SOCS6: variants seen among roughly 807,000 people sequenced by gnomAD.
SOCS6 encodes the protein STAT induced STAT inhibitor-4.
Under a neutral mutation model 27.7 loss-of-function variants are expected in SOCS6, and 5 were observed. The observed-to-expected ratio is 0.18, with a 90% CI of 0.09 to 0.38. SOCS6 has a LOEUF of 0.38. Among genes scored for constraint, SOCS6 ranks in the 10% least tolerant of loss-of-function variants. The pLI is 1.00. For synonymous variants in SOCS6, 271 were observed against 260.0 expected (o/e 1.04, Z -0.41); for missense variants, 595 against 688.1 (o/e 0.86, Z 1.51).
chr18:70,291,665 G>A (rs1034342404), intron 1 of SOCS6, among the ~76,000 whole-genome samples: 7 of 152,056 alleles, frequency 4.6e-5, no homozygotes, highest in African/African-American at 1.7e-4. Context: ...TGTGAGTTTT[G>A]ACTTTAAGAT....
At position 70,328,531 on chromosome 18, in the gene SOCS6, G is replaced by A. The variant is rs1044935502; in HGVS notation, c.*2255G>A. 1.6e-4 allele frequency: 26 copies of A among 166,884 alleles called. No homozygotes were observed. The highest frequency in any genetic ancestry group is 5.8e-4 in the African/African-American group (24 of 41,414). 10.3% of individuals were successfully genotyped at this position (166,884 alleles called of 1,614,324 possible). A position where few individuals can be genotyped will look rare whatever the true frequency, so the allele number is the denominator to read the frequency against. ...AAATGTTTTTAAAATTGTATTTTGT[G>A]TTTTAGTGGAGGACAGTCTTGATAC... On this transcript the variant is annotated 3_prime_UTR_variant, in exon 2 of 2. Coordinates refer to ENST00000397942, the MANE Select transcript of SOCS6 (RefSeq NM_004232.4).
intron 1 of SOCS6, among the ~76,000 whole-genome samples, chr18:70,299,688 G>C (rs962015736): frequency 2.0e-5 from 3 of 152,148 alleles, no homozygotes; most frequent in African/African-American, 2.4e-5. Flanking sequence ...ATTGAAAGGG[G>C]CTTGTTTTGA....
intron 1 of SOCS6, among the ~76,000 whole-genome samples, chr18:70,309,099 A>T (rs1444274414): frequency 6.6e-6 from 1 of 152,262 alleles, no homozygotes; most frequent in African/African-American, 2.4e-5. Context: ...ATGGCCTCTT[A>T]ACAATGCAAC....
chr18:70,302,333 A>G (rs563942545), intron 1 of SOCS6, among the ~76,000 whole-genome samples: 52 of 151,350 alleles, frequency 3.4e-4, no homozygotes, highest in African/African-American at 1.2e-3. Flanking sequence ...TTCCAGGGGT[A>G]ATGAGAGTGT....
At chr18:70,311,930 A>C (rs187912415) in intron 1 of SOCS6, among the ~76,000 whole-genome samples, 2 of 151,004 alleles carry the variant, frequency 1.3e-5, no homozygotes, top group East Asian at 2.0e-4. Flanking sequence ...AGTGAGCTCT[A>C]AAATCAGTTG....
At chr18:70,320,792 G>T (rs1047145722) in intron 1 of SOCS6, among the ~76,000 whole-genome samples, 4 of 152,176 alleles carry the variant, frequency 2.6e-5, no homozygotes, top group Non-Finnish European at 5.9e-5. Flanking sequence ...ATCCCTTGCA[G>T]ATAAGAGAGG....
chr18:70,297,367 C>G (rs1189616529), intron 1 of SOCS6, among the ~76,000 whole-genome samples: 1 of 150,908 alleles, frequency 6.6e-6, no homozygotes, highest in East Asian at 1.9e-4. Context: ...CCCTTCTTTT[C>G]AACAGTTTTT....
rs538608484 is a variant in SOCS6, at chr18:70,326,326, G to C, written c.*50G>C. 19 of 1,446,734 alleles carry C rather than the reference G, an allele frequency of 1.3e-5. No homozygotes were observed. In the South Asian group the frequency reaches 2.4e-4, roughly 18 times the overall value. The allele number at this position is 1,446,734 out of a possible 1,614,324, so 89.6% of individuals were successfully genotyped here. A position where few individuals can be genotyped will look rare whatever the true frequency, so the allele number is the denominator to read the frequency against. On this transcript the variant is annotated 3_prime_UTR_variant, in exon 2 of 2. Coordinates refer to ENST00000397942, the MANE Select transcript of SOCS6 (RefSeq NM_004232.4). ...ACTTTGGGAATAAGAACAAGAGATT[G>C]AAATACAGTTTACAAACTTTCATTG...
At chr18:70,324,458 G>A in intron 1 of SOCS6, 85 bp from the exon 2 acceptor site, 3 of 428,238 alleles carry the variant, frequency 7.0e-6, no homozygotes. Context: ...TTCTCGTTCA[G>A]AAGTTAAAGG....
At position 70,325,714 on chromosome 18, in the gene SOCS6, A is replaced by G. The variant is rs1167202336; in HGVS notation, c.1046A>G (p.Asn349Ser). Reference protein sequence around the residue: ...SMRCHLNFDPNSAPGVARVYD... With the variant: ...SMRCHLNFDPSSAPGVARVYD... ...CGCTGTCATTTGAATTTTGATCCGA[A>G]CTCTGCTCCTGGGGTTGCAAGAGTT... Residue 349 changes from asparagine to serine, a missense_variant, in exon 2 of 2, where the codon AAC (asparagine) becomes AGC (serine). By Grantham distance (46) the Asn-to-Ser change is conservative. Coordinates refer to ENST00000397942, the MANE Select transcript of SOCS6 (RefSeq NM_004232.4). This position sits in a 1 kb window ranked among gnomAD's most constrained non-coding sequence, Gnocchi z 6.3. The G allele has an allele frequency of 6.2e-7, 1 of 1,614,078 alleles. No homozygotes were observed. Among genetic ancestry groups the G allele is most frequent in the Non-Finnish European group, 8.5e-7 (1 of 1,180,002 alleles).
At position 70,324,965 on chromosome 18, in the gene SOCS6, C is replaced by T. The variant is rs774218647; in HGVS notation, c.297C>T (p.Ala99=). Residue 99 remains alanine, a synonymous_variant, in exon 2 of 2, where the codon GCC becomes GCT. Coordinates refer to ENST00000397942, the MANE Select transcript of SOCS6 (RefSeq NM_004232.4). ...GKAGTPSGSS[A]DEDTFSSSSA... ...CGGGCACACCCTCTGGGAGCTCTGC[C>T]GACGAGGACACCTTCTCCTCCTCCT... 9.3e-6 allele frequency: 15 copies of T among 1,614,014 alleles called. No homozygotes were observed. In the East Asian group the frequency reaches 1.8e-4, roughly 19 times the overall value.
chr18:70,298,807 A>G (rs191025262), intron 1 of SOCS6, among the ~76,000 whole-genome samples: 259 of 152,356 alleles, frequency 1.7e-3, no homozygotes, highest in Admixed American at 2.4e-3. Flanking sequence ...TTCCAACACC[A>G]ACAACCACTT....
At chr18:70,297,895 A>T (rs796295274) in intron 1 of SOCS6, among the ~76,000 whole-genome samples, 1 of 152,342 alleles carries the variant, frequency 6.6e-6, no homozygotes, top group African/African-American at 2.4e-5. Flanking sequence ...GAAATGGGGA[A>T]AAGATTATTT....
intron 1 of SOCS6, 120 bp downstream of exon 1, chr18:70,289,210 G>GCGGGC (rs1458866283): frequency 2.6e-5 from 4 of 151,216 alleles, no homozygotes; most frequent in Admixed American, 1.3e-4. Flanking sequence ...CGGATCCGGC[G>GCGGGC]CGGGCCGGGC....
At chr18:70,320,675 T>G (rs889646080) in intron 1 of SOCS6, among the ~76,000 whole-genome samples, 1 of 152,212 alleles carries the variant, frequency 6.6e-6, no homozygotes, top group Non-Finnish European at 1.5e-5. Context: ...AACTTAAAAA[T>G]TAAACTTTAT....
intron 1 of SOCS6, among the ~76,000 whole-genome samples, chr18:70,316,337 A>C (rs1455100432): frequency 2.0e-5 from 3 of 152,048 alleles, no homozygotes; most frequent in Admixed American, 6.5e-5. Context: ...GAAGGTTTTC[A>C]TTGGGGCCTT....
intron 1 of SOCS6, among the ~76,000 whole-genome samples, chr18:70,293,606 G>C (rs2062309799): frequency 6.6e-6 from 1 of 152,034 alleles, no homozygotes. Flanking sequence ...ATCTCCTTTG[G>C]AATTAGAAAA....
intron 1 of SOCS6, among the ~76,000 whole-genome samples, chr18:70,290,838 C>T (rs2062295813): frequency 6.6e-6 from 1 of 152,208 alleles, no homozygotes; most frequent in African/African-American, 2.4e-5. Context: ...AAATTACCCT[C>T]TAAATTGGTA....
At chr18:70,306,534 T>A (rs2062370431) in intron 1 of SOCS6, among the ~76,000 whole-genome samples, 1 of 151,424 alleles carries the variant, frequency 6.6e-6, no homozygotes, top group South Asian at 2.1e-4. Context: ...GTGTCAATTA[T>A]GAATAAAGAT....
Sources: allele counts gnomAD v4.1 joint callset (sites outside exome capture counted in the v4.1 genomes callset), GRCh38; gene constraint gnomAD v4.1.1; non-coding constraint Gnocchi (gnomAD v3.1); transcripts MANE v1.5; gene names NCBI Gene and HGNC (gene_info 2026-07-23, HGNC 2026-07-21).